PCDHA11: variants seen among roughly 807,000 people sequenced by gnomAD.
PCDHA11 encodes the protein protocadherin alpha 11.
Under a neutral mutation model 70.3 loss-of-function variants are expected in PCDHA11, and 61 were observed. That is an observed-to-expected ratio of 0.87 (90% CI 0.71 to 1.07). The LOEUF is 1.07. Ranked by LOEUF, PCDHA11 falls within the 50% of genes least tolerant of loss-of-function variation. The pLI, the probability that PCDHA11 is intolerant of heterozygous loss-of-function variation, is 0.00. For missense variants in PCDHA11, 1,324 were observed against 1,237.5 expected (o/e 1.07, Z -1.05); for synonymous variants, 633 against 555.1 (o/e 1.14, Z -1.97).
intron 1 of PCDHA11, among the ~76,000 whole-genome samples, chr5:140,887,714 T>C (rs772328025): frequency 6.6e-6 from 1 of 152,220 alleles, no homozygotes; most frequent in Admixed American, 6.5e-5. Flanking sequence ...CTTCTTCTAA[T>C]AGTTTTTTCT....
At chr5:140,904,560 T>G (rs2071228381) in intron 1 of PCDHA11, among the ~76,000 whole-genome samples, 1 of 152,102 alleles carries the variant, frequency 6.6e-6, no homozygotes, top group African/African-American at 2.4e-5. Flanking sequence ...AATGACTTTT[T>G]TTTCCTCTGG....
Position 141,011,938 on chromosome 5 carries a change from T to TA in PCDHA11, c.*2008dup, listed in dbSNP as rs1489019865. 2.6e-5 allele frequency: 4 copies of TA among 153,644 alleles called. No individual in the cohort carries two copies. The highest frequency in any genetic ancestry group is 6.5e-5 in the Admixed American group (1 of 15,278). The allele number at this position is 153,644 out of a possible 1,614,324, so 9.5% of individuals were successfully genotyped here. A position where few individuals can be genotyped will look rare whatever the true frequency, so the allele number is the denominator to read the frequency against. ...ATAAAAGAGGTAGGAGTCTGTTATT[T>TA]AAAAAAAGCATTAAATTTAAAAAAA... On this transcript the variant is annotated 3_prime_UTR_variant, in exon 4 of 4. Transcript: ENST00000398640.
chr5:140,982,299 T>C, intron 2 of PCDHA11, 176 bp from the exon 3 acceptor site: 1 of 1,200,862 alleles, frequency 8.3e-7, no homozygotes, highest in South Asian at 1.7e-5. Flanking sequence ...AAGTCAGCAA[T>C]GCTTCTGCAG....
intron 3 of PCDHA11, among the ~76,000 whole-genome samples, chr5:140,996,992 T>A (rs565740982): frequency 3.9e-5 from 6 of 152,324 alleles, no homozygotes; most frequent in African/African-American, 1.4e-4. Flanking sequence ...CAACCACTGT[T>A]AACAATTTTG....
chr5:140,875,460 C>T (rs1380748731), intron 1 of PCDHA11: 2 of 1,598,406 alleles, frequency 1.3e-6, no homozygotes, highest in Middle Eastern at 1.7e-4. Flanking sequence ...CTCAGAGGCC[C>T]TCATTTTCTG....
chr5:140,947,625 T>C (rs2094153389), intron 1 of PCDHA11, among the ~76,000 whole-genome samples: 1 of 151,648 alleles, frequency 6.6e-6, no homozygotes, highest in Non-Finnish European at 1.5e-5. Context: ...CAATATTGAG[T>C]CATCAGATCG....
chr5:140,884,204 C>A (rs1410511984), intron 1 of PCDHA11: 1 of 1,613,382 alleles, frequency 6.2e-7, no homozygotes, highest in Non-Finnish European at 8.5e-7. Flanking sequence ...GCCGCACCAC[C>A]GCCTTCTGGT....
chr5:140,960,740 C>T (rs949372581), intron 1 of PCDHA11, among the ~76,000 whole-genome samples: 1 of 151,868 alleles, frequency 6.6e-6, no homozygotes, highest in South Asian at 2.1e-4. Flanking sequence ...GATTTTAGTC[C>T]ATGGCTAAAA....
At chr5:141,005,304 A>G (rs2098205361) in intron 3 of PCDHA11, among the ~76,000 whole-genome samples, 1 of 152,200 alleles carries the variant, frequency 6.6e-6, no homozygotes, top group Non-Finnish European at 1.5e-5. Context: ...GCCTTTGTGA[A>G]TCTTACAGTG....
At chr5:141,008,367 G>A (rs2098373101) in intron 3 of PCDHA11, among the ~76,000 whole-genome samples, 1 of 152,144 alleles carries the variant, frequency 6.6e-6, no homozygotes, top group African/African-American at 2.4e-5. Flanking sequence ...AAGGAGCAGT[G>A]TTAGATACAT....
chr5:140,887,101 CTTT>C (rs200717289), intron 1 of PCDHA11, among the ~76,000 whole-genome samples: 1 of 145,292 alleles, frequency 6.9e-6, no homozygotes, highest in African/African-American at 2.5e-5. Flanking sequence ...ATCTTTATCT[CTTT>C]TTTTTTTTTT....
chr5:140,966,538 C>T, intron 1 of PCDHA11: 2 of 463,262 alleles, frequency 4.3e-6, no homozygotes, highest in South Asian at 1.1e-4. Flanking sequence ...GGTTGAGCGA[C>T]TCGGAGGCGA....
intron 1 of PCDHA11, among the ~76,000 whole-genome samples, chr5:140,905,476 C>A (rs904790256): frequency 6.6e-6 from 1 of 152,158 alleles, no homozygotes; most frequent in East Asian, 1.9e-4. Flanking sequence ...GTGATGCCTT[C>A]AGATTTCTTC....
At chr5:140,963,437 A>G (rs1218824827) in intron 1 of PCDHA11, among the ~76,000 whole-genome samples, 2 of 152,144 alleles carry the variant, frequency 1.3e-5, no homozygotes, top group African/African-American at 4.8e-5. Context: ...CTAACTTCAT[A>G]CTCTGTTGCT....
At chr5:141,006,894 A>G (rs781832084) in intron 3 of PCDHA11, among the ~76,000 whole-genome samples, 6 of 152,212 alleles carry the variant, frequency 3.9e-5, no homozygotes, top group African/African-American at 7.2e-5. Context: ...TTGATTTCAG[A>G]TTTCTTCAGT....
chr5:140,884,423 AC>A, intron 1 of PCDHA11: 3 of 1,613,932 alleles, frequency 1.9e-6, no homozygotes, highest in Non-Finnish European at 2.5e-6. Flanking sequence ...GCTGCTGTAT[AC>A]TGCGCTGCGG....
At chr5:140,924,060 A>G (rs2081653054) in intron 1 of PCDHA11, among the ~76,000 whole-genome samples, 1 of 152,250 alleles carries the variant, frequency 6.6e-6, no homozygotes, top group African/African-American at 2.4e-5. Context: ...ACATCTTTAC[A>G]GTTGTATTTC....
intron 1 of PCDHA11, among the ~76,000 whole-genome samples, chr5:140,893,124 CA>C (rs2063834148): frequency 2.0e-5 from 3 of 152,298 alleles, no homozygotes; most frequent in Admixed American, 1.3e-4. Flanking sequence ...ATATACACCA[CA>C]TTTTCTTTAT....
chr5:140,917,058 C>T (rs1028478613), intron 1 of PCDHA11, among the ~76,000 whole-genome samples: 4 of 152,072 alleles, frequency 2.6e-5, no homozygotes, highest in Non-Finnish European at 5.9e-5. Context: ...TTCCCTGCTA[C>T]GACAGCACCG....
Sources: gnomAD v4.1 joint callset for allele counts (sites outside exome capture counted in the v4.1 genomes callset) on GRCh38, gnomAD v4.1.1 for gene constraint, MANE v1.5 for transcripts, NCBI Gene and HGNC (gene_info 2026-07-23, HGNC 2026-07-21) for gene names.